Variants in KLKB1 observed in about 807,000 individuals in gnomAD.
The protein encoded by KLKB1 is kallikrein B1.
Under a neutral mutation model 73.6 loss-of-function variants are expected in KLKB1, and 58 were observed. That is an observed-to-expected ratio of 0.79 (90% CI 0.64 to 0.98). The LOEUF is 0.98. Ranked by LOEUF, KLKB1 falls within the 50% of genes least tolerant of loss-of-function variation. KLKB1 has a pLI of 0.00. For missense variants in KLKB1, 737 were observed against 763.8 expected (o/e 0.96, Z 0.41); for synonymous variants, 280 against 258.1 (o/e 1.08, Z -0.81).
Position 186,251,865 on chromosome 4 carries a change from A to C in KLKB1, c.1144+4A>C, listed in dbSNP as rs112693910. 20 of 1,609,584 alleles carry C rather than the reference A, an allele frequency of 1.2e-5. No homozygotes were observed. The African/African-American group carries it at 1.7e-4, about 14-fold the overall frequency. ...TGTAACACTGGGGACAACTCTGGTG[A>C]GTAACCTCACTTTTTCGTGGACCTG... On this transcript the variant is annotated splice_donor_region_variant and intron_variant, in intron 10 of 14. Transcript: ENST00000264690.
chr4:186,227,941 CCA>C (rs1379858638), intron 1 of KLKB1, among the ~76,000 whole-genome samples: 8 of 152,284 alleles, frequency 5.3e-5, no homozygotes, highest in Admixed American at 4.6e-4. Context: ...ACATTACTAG[CCA>C]CAGAGTTGGC....
At chr4:186,245,192 G>C (rs558644298) in intron 6 of KLKB1, among the ~76,000 whole-genome samples, 88 of 152,222 alleles carry the variant, frequency 5.8e-4, no homozygotes, top group African/African-American at 1.8e-3. Flanking sequence ...GAAGCCTGGC[G>C]GTCAATACCT....
intron 2 of KLKB1, among the ~76,000 whole-genome samples, chr4:186,214,676 T>C (rs566264035): frequency 5.3e-5 from 8 of 152,296 alleles, no homozygotes; most frequent in Non-Finnish European, 8.8e-5. Flanking sequence ...CTGGACTAAT[T>C]AGTCATTTTT....
At chr4:186,218,643 TGTGTGTGTGC>T (rs1337840922) in intron 2 of KLKB1, among the ~76,000 whole-genome samples, 1 of 142,560 alleles carries the variant, frequency 7.0e-6, no homozygotes, top group Non-Finnish European at 1.5e-5. Flanking sequence ...TGTGTGTGTG[TGTGTGTGTGC>T]GCATGTGTGT....
intron 2 of KLKB1, 118 bp from the exon 3 acceptor site, chr4:186,232,009 G>C: frequency 1.4e-6 from 1 of 691,856 alleles, no homozygotes. Flanking sequence ...CATAATTAGA[G>C]TTGTATTATA....
chr4:186,239,643 GT>G (rs1231605325), intron 6 of KLKB1, among the ~76,000 whole-genome samples: 23 of 139,610 alleles, frequency 1.6e-4, no homozygotes, highest in African/African-American at 6.5e-4. Context: ...AGAGTTATAG[GT>G]ACAGTGATAT....
rs1737437326 is a variant in KLKB1 at position 186,232,281 on chromosome 4, G to A, written c.213G>A (p.Met71Ile). 6.2e-7 allele frequency: 1 copy of A among 1,613,804 alleles called. No individual in the cohort carries two copies. The highest frequency in any genetic ancestry group is 1.7e-5 in the Admixed American group (1 of 60,006). The stretch of plus-strand genomic sequence containing the variant: ...TTCCAGCAAGTTCAATCAATGACAT[G>A]GAGAAAAGGTAAAAGTTGGTATTTC... The part of the protein sequence containing the change: ...SFLPASSIND[M>I]EKRFGCFLKD... Residue 71 changes from methionine to isoleucine, a missense_variant, in exon 3 of 15, where the codon ATG becomes ATA. Met to Ile is a conservative substitution (Grantham distance 10). Transcript: ENST00000264690.
At chr4:186,250,173 GT>G (rs1160527372) in intron 6 of KLKB1, 69 bp from the exon 7 acceptor site, 1 of 1,386,282 alleles carries the variant, frequency 7.2e-7, no homozygotes, top group Non-Finnish European at 1.0e-6. Flanking sequence ...CTTAACTATG[GT>G]GACAAAATAC....
At chr4:186,248,226 C>T (rs1270721529) in intron 6 of KLKB1, among the ~76,000 whole-genome samples, 4 of 150,886 alleles carry the variant, frequency 2.7e-5, no homozygotes, top group African/African-American at 7.3e-5. Flanking sequence ...CCAGCCTGGG[C>T]GACAGAGCAA....
chr4:186,249,974 T>C (rs1738577687), intron 6 of KLKB1, among the ~76,000 whole-genome samples: 1 of 152,116 alleles, frequency 6.6e-6, no homozygotes, highest in Non-Finnish European at 1.5e-5. Context: ...TGCTGAGTAA[T>C]GCAAGCATTT....
chr4:186,217,763 A>C (rs1220832048), intron 2 of KLKB1, among the ~76,000 whole-genome samples: 1 of 152,156 alleles, frequency 6.6e-6, no homozygotes, highest in African/African-American at 2.4e-5. Flanking sequence ...AGTATACAGG[A>C]AGTTTTTTTC....
chr4:186,240,059 G>T (rs916061523), intron 6 of KLKB1, among the ~76,000 whole-genome samples: 2 of 150,328 alleles, frequency 1.3e-5, no homozygotes, highest in African/African-American at 4.8e-5. Context: ...CAGTGATATT[G>T]TTATAGTTAT....
At chr4:186,244,135 G>A (rs761031266) in intron 6 of KLKB1, among the ~76,000 whole-genome samples, 6 of 152,166 alleles carry the variant, frequency 3.9e-5, no homozygotes, top group Non-Finnish European at 8.8e-5. Context: ...GTTGGGATGA[G>A]TTAGGGAGAG....
chr4:186,221,198 C>T (rs2126614863), intron 2 of KLKB1, among the ~76,000 whole-genome samples: 1 of 151,576 alleles, frequency 6.6e-6, no homozygotes, highest in South Asian at 2.1e-4. Context: ...TCTTTTTCTC[C>T]TAATTAGGCT....
Position 186,256,062 on chromosome 4 carries a change from C to A in KLKB1, c.1560C>A (p.Thr520=). 2 of 1,610,788 alleles carry A rather than the reference C, an allele frequency of 1.2e-6. No individual in the cohort carries two copies. The highest frequency in any genetic ancestry group is 1.7e-6 in the Non-Finnish European group (2 of 1,177,054). Residue 520 remains threonine, a synonymous_variant, in exon 13 of 15, where the codon ACC becomes ACA. Transcript: ENST00000264690. ...TSTIYTNCWV[T]GWGFSKEKGE... ...CAATTTATACCAACTGTTGGGTAAC[C>A]GGATGGGGCTTCTCGAAGGAGAAAG... is the stretch of plus-strand genomic sequence containing the variant.
At chr4:186,233,867 A>G in intron 3 of KLKB1, 85 bp from the exon 4 acceptor site, 1 of 943,730 alleles carries the variant, frequency 1.1e-6, no homozygotes, top group Non-Finnish European at 1.7e-6. Flanking sequence ...TCCTGGTTTT[A>G]TTTGTTAGTG....
At chr4:186,233,863 TTTTA>T (rs1737527779) in intron 3 of KLKB1, 85 bp from the exon 4 acceptor site, 1 of 916,248 alleles carries the variant, frequency 1.1e-6, no homozygotes. Context: ...TTATTCCTGG[TTTTA>T]TTTGTTAGTG....
At chr4:186,257,077 T>C (rs1739040638) in intron 13 of KLKB1, 149 bp from the exon 14 acceptor site, 1 of 429,754 alleles carries the variant, frequency 2.3e-6, no homozygotes, top group Non-Finnish European at 4.1e-6. Flanking sequence ...ATAAGGTCCT[T>C]ATGAAAAATA....
rs759294965 is a variant in KLKB1 at position 186,233,965 on chromosome 4, T to C, written c.235T>C (p.Leu79=). 11 of 1,613,540 alleles carry C rather than the reference T, an allele frequency of 6.8e-6. No individual in the cohort carries two copies. In the East Asian group the frequency reaches 2.0e-4, roughly 29 times the overall value. ...NDMEKRFGCF[L]KDSVTGTLPK... ...CTTTTAAAATAGGTTTGGTTGCTTCTTGAAAGATAGTGTTACAGGAACCCT... is the reference window on the plus strand; with the variant it reads ...CTTTTAAAATAGGTTTGGTTGCTTCCTGAAAGATAGTGTTACAGGAACCCT... Residue 79 remains leucine (L), a synonymous_variant, in exon 4 of 15, where the codon TTG becomes CTG. Transcript: ENST00000264690.
Sources: gnomAD v4.1 joint callset for allele counts (sites outside exome capture counted in the v4.1 genomes callset) on GRCh38, gnomAD v4.1.1 for gene constraint, MANE v1.5 for transcripts, NCBI Gene and HGNC (gene_info 2026-07-23, HGNC 2026-07-21) for gene names.